The following KLHL32 variants were observed in gnomAD, a reference collection of about 807,000 sequenced individuals.
KLHL32 encodes the protein kelch like family member 32.
Under a neutral mutation model 64.8 loss-of-function variants are expected in KLHL32, and 35 were observed. The observed-to-expected ratio is 0.54, with a 90% confidence interval of 0.41 to 0.72. KLHL32 has a LOEUF of 0.72. Ranked by LOEUF, KLHL32 falls within the 30% of genes least tolerant of loss-of-function variation. The pLI is 0.00. For synonymous variants in KLHL32, 259 were observed against 281.0 expected (o/e 0.92, Z 0.78); for missense variants, 589 against 768.5 (o/e 0.77, Z 2.76).
intron 5 of KLHL32, among the ~76,000 whole-genome samples, chr6:97,068,852 A>G (rs1450276998): frequency 2.0e-5 from 3 of 152,198 alleles, no homozygotes; most frequent in African/African-American, 7.2e-5. Context: ...AAATTACTCT[A>G]TGCTATTAGA....
chr6:97,044,803 T>C (rs1294137390), intron 4 of KLHL32, among the ~76,000 whole-genome samples: 1 of 152,120 alleles, frequency 6.6e-6, no homozygotes, highest in Non-Finnish European at 1.5e-5. Flanking sequence ...TGGTGTATAA[T>C]TATTCATAGT....
In KLHL32 at chr6:97,053,719, GT is replaced by G. The variant is rs761233041; in HGVS notation, c.313-10901del. On this transcript the variant is annotated intron_variant, in intron 4 of 10. Transcript: ENST00000369261. ...AATTAGGTAAGATATAAGTACATTT[GT>G]TTTTTTTAATTTATATACTATGCAT... is the stretch of plus-strand genomic sequence containing the variant. 3.2e-4 allele frequency among the ~76,000 whole-genome samples: 49 copies of G among 150,924 alleles called. No individual in the cohort carries two copies. In the East Asian group the frequency reaches 6.0e-3, roughly 19 times the overall value.
chr6:96,993,359 G>C (rs1778100333), intron 3 of KLHL32, among the ~76,000 whole-genome samples: 1 of 152,174 alleles, frequency 6.6e-6, no homozygotes, highest in South Asian at 2.1e-4. Flanking sequence ...GTTGGTTGGG[G>C]TGGTAAGGGA....
the KLHL32 span, among the ~76,000 whole-genome samples, chr6:96,902,962 A>C: frequency 1.3e-5 from 2 of 152,122 alleles, no homozygotes; most frequent in Non-Finnish European, 2.9e-5. Flanking sequence ...CTGTTCTTGT[A>C]CCAGTACCAT....
At chr6:96,977,086 G>A (rs1369297053) in intron 3 of KLHL32, among the ~76,000 whole-genome samples, 1 of 152,124 alleles carries the variant, frequency 6.6e-6, no homozygotes, top group Non-Finnish European at 1.5e-5. Flanking sequence ...GAAGATGAAA[G>A]TACATAATAT....
At position 97,140,041 on chromosome 6, in the gene KLHL32, A is replaced by AT. The variant is rs2128227198; in HGVS notation, c.*763dup. On this transcript the variant is annotated 3_prime_UTR_variant, in exon 11 of 11. Coordinates refer to ENST00000369261, the MANE Select transcript of KLHL32 (RefSeq NM_052904.4). ...AATGTTGTTACTGAAATTATAAGGT[A>AT]TTTTATTGTCTTTAGAACCTTGTAA... is the stretch of plus-strand genomic sequence containing the variant. 6.6e-6 allele frequency: 1 copy of AT among 152,270 alleles called. No individual in the cohort carries two copies. The highest frequency in any genetic ancestry group is 2.1e-4 in the South Asian group (1 of 4,828). The allele number at this position is 152,270 out of a possible 1,614,324, so 9.4% of individuals were successfully genotyped here.
intron 6 of KLHL32, among the ~76,000 whole-genome samples, chr6:97,103,300 G>A (rs978735024): frequency 3.4e-5 from 5 of 149,022 alleles, no homozygotes; most frequent in Non-Finnish European, 7.4e-5. Context: ...TGCAAGCTCC[G>A]CTTCCCAGGT....
At chr6:96,947,974 A>G (rs547236559) in intron 1 of KLHL32, among the ~76,000 whole-genome samples, 89 of 152,294 alleles carry the variant, frequency 5.8e-4, no homozygotes, top group African/African-American at 2.1e-3. Flanking sequence ...CTTGGCATAA[A>G]GAAATGAATT....
At chr6:96,988,077 G>A (rs1777345063) in intron 3 of KLHL32, among the ~76,000 whole-genome samples, 1 of 151,914 alleles carries the variant, frequency 6.6e-6, no homozygotes, top group African/African-American at 2.4e-5. Flanking sequence ...CAAAAGCAAT[G>A]GCAACAAAAG....
intron 6 of KLHL32, among the ~76,000 whole-genome samples, chr6:97,091,601 A>G (rs1389827191): frequency 1.3e-5 from 2 of 152,310 alleles, no homozygotes; most frequent in Non-Finnish European, 2.9e-5. Flanking sequence ...GCCAAATAGC[A>G]TAATGATTTC....
chr6:96,902,164 C>T, the KLHL32 span, among the ~76,000 whole-genome samples: 1 of 152,224 alleles, frequency 6.6e-6, no homozygotes, highest in African/African-American at 2.4e-5. Flanking sequence ...AATTGCCACA[C>T]TATCTTCCAC....
chr6:96,972,204 C>T (rs1252071751), intron 2 of KLHL32, among the ~76,000 whole-genome samples: 1 of 152,008 alleles, frequency 6.6e-6, no homozygotes, highest in African/African-American at 2.4e-5. Flanking sequence ...CCCAACATAC[C>T]CTAAATATTA....
intron 1 of KLHL32, among the ~76,000 whole-genome samples, chr6:96,936,101 G>A (rs1770564524): frequency 6.6e-6 from 1 of 152,054 alleles, no homozygotes; most frequent in African/African-American, 2.4e-5. Flanking sequence ...GGTCAGCTGG[G>A]GCCAGCAGTA....
At chr6:96,958,845 T>A (rs1356632668) in intron 1 of KLHL32, among the ~76,000 whole-genome samples, 1 of 148,054 alleles carries the variant, frequency 6.8e-6, no homozygotes, top group Non-Finnish European at 1.5e-5. Context: ...AAAATCACCC[T>A]AAGTTATGCA....
At chr6:96,989,084 C>T (rs1370394389) in intron 3 of KLHL32, among the ~76,000 whole-genome samples, 2 of 152,120 alleles carry the variant, frequency 1.3e-5, no homozygotes, top group East Asian at 3.9e-4. Context: ...TGCACATGTA[C>T]CCTAAAATTT....
intron 5 of KLHL32, among the ~76,000 whole-genome samples, chr6:97,076,147 G>GTCTC (rs1488197904): frequency 6.6e-6 from 1 of 152,120 alleles, no homozygotes; most frequent in African/African-American, 2.4e-5. Context: ...CCAGTATAAT[G>GTCTC]TCTCTATCTG....
chr6:96,923,883 C>T (rs2127982880), upstream of KLHL32, among the ~76,000 whole-genome samples: 1 of 152,288 alleles, frequency 6.6e-6, no homozygotes, highest in African/African-American at 2.4e-5. Flanking sequence ...ACCCACTTTG[C>T]TTTAGTGTGA....
intron 1 of KLHL32, among the ~76,000 whole-genome samples, chr6:96,932,256 G>GT (rs68171946): frequency 6.4e-5 from 9 of 141,656 alleles, no homozygotes; most frequent in Non-Finnish European, 1.1e-4. Flanking sequence ...TGGAATCAAT[G>GT]TTTTTTTTTT....
chr6:97,091,041 T>C (rs1794145070), intron 6 of KLHL32, among the ~76,000 whole-genome samples: 1 of 152,168 alleles, frequency 6.6e-6, no homozygotes, highest in Non-Finnish European at 1.5e-5. Context: ...CTGTGCAACA[T>C]AGTGAGACCC....
Sources: allele counts gnomAD v4.1 joint callset (sites outside exome capture counted in the v4.1 genomes callset), GRCh38; gene constraint gnomAD v4.1.1; transcripts MANE v1.5; gene names NCBI Gene and HGNC (gene_info 2026-07-23, HGNC 2026-07-21).